The following APLP2 variants were observed in gnomAD, a reference collection of about 807,000 sequenced individuals.
APLP2 encodes the protein CDEI box-binding protein.
In APLP2, 53 loss-of-function variants were observed where a neutral mutation model predicts 89.9. The observed-to-expected ratio is 0.59, with a 90% CI of 0.47 to 0.74. APLP2 has a LOEUF of 0.74. Ranked by LOEUF, APLP2 falls within the 30% of genes least tolerant of loss-of-function variation. APLP2 has a pLI of 0.00. For synonymous variants in APLP2, 372 were observed against 348.6 expected, an observed-to-expected ratio of 1.07 and a Z score of -0.75; for missense variants, 973 against 975.9, an observed-to-expected ratio of 1.00 and a Z score of 0.04.
At position 130,123,867 on chromosome 11, in the gene APLP2, G is replaced by GGT; in HGVS notation, c.1090+91_1090+92dup. The GGT allele has an allele frequency of 6.9e-7, 1 of 1,453,376 alleles. No individual in the cohort carries two copies. The highest frequency in any genetic ancestry group is 9.5e-7 in the Non-Finnish European group (1 of 1,055,550). 90.0% of individuals were successfully genotyped at this position (1,453,376 alleles called of 1,614,324 possible). ...GCCGTCTTCGTGGCTGCATCTGTGTGGTGTCCCTGCCCACTCGGGTGTTTG... is the reference window on the plus strand; with the variant it reads ...GCCGTCTTCGTGGCTGCATCTGTGTGGTGTGTCCCTGCCCACTCGGGTGTTTG... On this transcript the variant is annotated intron_variant, in intron 7 of 16. Transcript: ENST00000338167. The surrounding 1 kb of genome is among the most constrained non-coding windows in gnomAD (Gnocchi z 4.0).
intron 1 of APLP2, among the ~76,000 whole-genome samples, chr11:130,093,557 A>AG: frequency 6.6e-6 from 1 of 152,198 alleles, no homozygotes; most frequent in Admixed American, 6.5e-5. Flanking sequence ...AGGTCAATCT[A>AG]GGAGGTCTAA....
chr11:130,128,227 C>T (rs914074301), intron 9 of APLP2, among the ~76,000 whole-genome samples: 7 of 152,182 alleles, frequency 4.6e-5, no homozygotes, highest in Admixed American at 1.3e-4. Context: ...CAATTCATCT[C>T]TAACTTTGTA....
chr11:130,130,446 A>G (rs1217705836), intron 11 of APLP2, among the ~76,000 whole-genome samples: 1 of 152,232 alleles, frequency 6.6e-6, no homozygotes, highest in Non-Finnish European at 1.5e-5. Flanking sequence ...TGCCAGAACC[A>G]ATATTCAAGA....
rs1246949709 is a variant in APLP2 at position 130,089,046 on chromosome 11, A to G, written c.105+18964A>G. 3.3e-5 allele frequency among the ~76,000 whole-genome samples: 5 copies of G among 152,166 alleles called. No homozygotes were observed. The East Asian group carries it at 9.7e-4, about 30-fold the overall frequency. ...CAAAACTGAAGTTTATCAGTCTCCA[A>G]TCCTCAGCCCCCTCCCTACCACCCG... On this transcript the variant is annotated intron_variant, in intron 1 of 16. Transcript: ENST00000338167.
At chr11:130,124,799 A>G (rs1950193686) in intron 7 of APLP2, among the ~76,000 whole-genome samples, 1 of 152,230 alleles carries the variant, frequency 6.6e-6, no homozygotes, top group African/African-American at 2.4e-5. Flanking sequence ...GTAACAGTTG[A>G]AAGGTGAAAG....
chr11:130,105,599 T>C (rs1401311785), intron 1 of APLP2, among the ~76,000 whole-genome samples: 1 of 152,156 alleles, frequency 6.6e-6, no homozygotes, highest in Admixed American at 6.5e-5. Flanking sequence ...AGTTTTGCAG[T>C]TGGGGACTCT....
At position 130,141,498 on chromosome 11, in the gene APLP2, G is replaced by T; in HGVS notation, c.1924G>T (p.Val642Phe). ...NSKNKVDENM[V>F]IDETLDVKEM... ...GCCGACATTCTCATGACTGTTTCAG[G>T]TCATTGACGAGACTCTGGATGTTAA... The change falls in exon 15 of 17, where the codon GTC (valine) becomes TTC (phenylalanine). Residue 642 changes from valine to phenylalanine, a missense_variant and splice_region_variant. Physicochemically the swap from Val to Phe is conservative, Grantham distance 50. Coordinates refer to ENST00000338167, the MANE Select transcript of APLP2 (RefSeq NM_001142276.2). This position sits in a 1 kb window ranked among gnomAD's most constrained non-coding sequence, Gnocchi z 4.2. 6.2e-7 allele frequency: 1 copy of T among 1,613,656 alleles called. No homozygotes were observed. The highest frequency in any genetic ancestry group is 8.5e-7 in the Non-Finnish European group (1 of 1,179,742).
chr11:130,112,131 G>A (rs142459708), intron 3 of APLP2, among the ~76,000 whole-genome samples: 1 of 152,136 alleles, frequency 6.6e-6, no homozygotes, highest in East Asian at 1.9e-4. Flanking sequence ...ACTGTGCGCC[G>A]AGGCACCTCG....
intron 12 of APLP2, among the ~76,000 whole-genome samples, chr11:130,134,137 CTGCG>C (rs1462082875): frequency 6.6e-6 from 1 of 152,198 alleles, no homozygotes; most frequent in African/African-American, 2.4e-5. Context: ...ATTATGGCTG[CTGCG>C]TGCGTGTCAC....
At chr11:130,077,239 A>G (rs545471625) in intron 1 of APLP2, among the ~76,000 whole-genome samples, 6 of 152,382 alleles carry the variant, frequency 3.9e-5, no homozygotes, top group Middle Eastern at 3.4e-3. Flanking sequence ...GGATAATGCT[A>G]TCATTTTAAA....
chr11:130,100,662 C>T (rs1946786241), intron 1 of APLP2, among the ~76,000 whole-genome samples: 2 of 152,236 alleles, frequency 1.3e-5, no homozygotes, highest in South Asian at 4.1e-4. Flanking sequence ...AATGATACCT[C>T]ATTTATACTT....
chr11:130,086,922 TC>T lies in APLP2; in HGVS notation c.105+16842del, dbSNP rs570943897. 3.1e-3 allele frequency among the ~76,000 whole-genome samples: 473 copies of T among 152,368 alleles called. 2 individuals carry two copies. Among genetic ancestry groups the T allele is most frequent in the Admixed American group, 6.7e-3 (102 of 15,312 alleles). On this transcript the variant is annotated intron_variant, in intron 1 of 16. Transcript: ENST00000338167. ...TTTTGAAATCAGGAAGTATGAGTCT[TC>T]CGTCTCAAGATTGTGTGATTTCATA...
chr11:130,107,689 T>C (rs1947965429), intron 1 of APLP2, among the ~76,000 whole-genome samples: 1 of 152,222 alleles, frequency 6.6e-6, no homozygotes, highest in African/African-American at 2.4e-5. Flanking sequence ...ACCAATGACT[T>C]TCTTCACAGA....
At chr11:130,070,629 G>C (rs2135267646) in intron 1 of APLP2, 1 of 1,454,600 alleles carries the variant, frequency 6.9e-7, no homozygotes, top group East Asian at 3.0e-5. Flanking sequence ...CGAGCCCCGG[G>C]GGAGCTCCCG....
chr11:130,123,895 G>A lies in APLP2; in HGVS notation c.1090+116G>A. 8.6e-7 allele frequency: 1 copy of A among 1,168,336 alleles called. No individual in the cohort carries two copies. Among genetic ancestry groups the A allele is most frequent in the Non-Finnish European group, 1.2e-6 (1 of 816,966 alleles). 72.4% of individuals were successfully genotyped at this position (1,168,336 alleles called of 1,614,324 possible). ...GTCCCTGCCCACTCGGGTGTTTGCT[G>A]TCGGTCGTCTTCCCCTCATCTTTGT... On this transcript the variant is annotated intron_variant, in intron 7 of 16. Transcript: ENST00000338167. This position sits in a 1 kb window ranked among gnomAD's most constrained non-coding sequence, Gnocchi z 4.0.
chr11:130,111,505 C>G (rs1222460030), intron 3 of APLP2, among the ~76,000 whole-genome samples: 1 of 152,216 alleles, frequency 6.6e-6, no homozygotes, highest in African/African-American at 2.4e-5. Flanking sequence ...TCTCCTCTCT[C>G]CCTTCTGTAA....
At chr11:130,125,813 A>G (rs1950310910) in intron 7 of APLP2, among the ~76,000 whole-genome samples, 1 of 152,194 alleles carries the variant, frequency 6.6e-6, no homozygotes, top group South Asian at 2.1e-4. Context: ...TTAGGCTAGT[A>G]AGTGTTACCT....
At chr11:130,117,525 C>T (rs1459619464) in intron 3 of APLP2, among the ~76,000 whole-genome samples, 2 of 152,088 alleles carry the variant, frequency 1.3e-5, no homozygotes, top group African/African-American at 2.4e-5. Flanking sequence ...CAACCTCAGC[C>T]TCCTGAGTAG....
At chr11:130,135,806 G>A (rs1951510015) in intron 13 of APLP2, 91 bp downstream of exon 13, 2 of 1,482,190 alleles carry the variant, frequency 1.3e-6, no homozygotes, top group Non-Finnish European at 1.8e-6. Flanking sequence ...AAATTGAGTT[G>A]GGAGATGGTG....
Sources: gnomAD v4.1 joint callset for allele counts (sites outside exome capture counted in the v4.1 genomes callset) on GRCh38, gnomAD v4.1.1 for gene constraint, Gnocchi (gnomAD v3.1) non-coding constraint, MANE v1.5 for transcripts, NCBI Gene and HGNC (gene_info 2026-07-23, HGNC 2026-07-21) for gene names.